DNAH8: variants seen among roughly 807,000 people sequenced by gnomAD.
DNAH8 encodes dynein axonemal heavy chain 8.
DNAH8 carries 382 observed loss-of-function variants against 562.1 expected under a neutral mutation model. The observed-to-expected ratio is 0.68, with a 90% confidence interval of 0.63 to 0.74. The LOEUF (loss-of-function observed/expected upper bound fraction) is 0.74. DNAH8 is among the 30% of genes least tolerant of loss of function. DNAH8 has a pLI of 0.00. For missense variants in DNAH8, 5,203 were observed against 5,620.4 expected, an observed-to-expected ratio of 0.93 and a Z score of 2.37; for synonymous variants, 1,881 against 1,919.4, an observed-to-expected ratio of 0.98 and a Z score of 0.52.
chr6:38,806,599 A>AAAT (rs1421701266), intron 23 of DNAH8, among the ~76,000 whole-genome samples: 2 of 152,040 alleles, frequency 1.3e-5, no homozygotes, highest in Admixed American at 1.3e-4. Context: ...GTCACCTCAT[A>AAAT]AATAGCCTCT....
intron 85 of DNAH8, among the ~76,000 whole-genome samples, chr6:38,975,210 T>TA (rs1398984693): frequency 6.6e-6 from 1 of 152,240 alleles, no homozygotes; most frequent in Non-Finnish European, 1.5e-5. Context: ...ACTTGTCTGT[T>TA]ACGATTTTTT....
chr6:38,815,615 GTGACCCA>G lies in DNAH8; in HGVS notation c.3483_3489del (p.Thr1162LysfsTer7), dbSNP rs766707325. On this transcript the variant is annotated frameshift_variant, in exon 26 of 93. Coordinates refer to ENST00000327475, the MANE Select transcript of DNAH8 (RefSeq NM_001206927.2). LOFTEE classifies it high-confidence loss of function. The stretch of plus-strand genomic sequence containing the variant: ...CATTCCCAGCCCCACCACTACTGAC[GTGACCCA>G]TCAAAACACAGGAAAACTGCTGAAG... 6.3e-5 allele frequency: 101 copies of G among 1,613,698 alleles called. No homozygotes were observed. The highest frequency in any genetic ancestry group is 8.5e-5 in the Non-Finnish European group (100 of 1,179,876).
intron 66 of DNAH8, 119 bp from the exon 67 acceptor site, chr6:38,913,730 C>A: frequency 3.4e-6 from 2 of 580,454 alleles, no homozygotes; most frequent in African/African-American, 1.8e-5. Flanking sequence ...CTTTTGTCTA[C>A]AATTTTGTGT....
intron 24 of DNAH8, among the ~76,000 whole-genome samples, chr6:38,811,705 T>C (rs967288465): frequency 2.0e-5 from 3 of 152,212 alleles, no homozygotes; most frequent in Non-Finnish European, 4.4e-5. Flanking sequence ...TTTCGTTAGC[T>C]CTCTTTCTTA....
chr6:38,715,335 AG>A lies in DNAH8; in HGVS notation c.-114del, dbSNP rs1456715025. 16 of 152,352 alleles carry A rather than the reference AG, an allele frequency of 1.1e-4. No homozygotes were observed. Among genetic ancestry groups the A allele is most frequent in the Admixed American group, 9.1e-4 (14 of 15,302 alleles). The allele number at this position is 152,352 out of a possible 1,614,324, so 9.4% of individuals were successfully genotyped here. A position where few individuals can be genotyped will look rare whatever the true frequency, so the allele number is the denominator to read the frequency against. ...CGTTCCGGGCCGCGGAGGCCGGAGC[AG>A]CTCCCCCGGGGCAGCGCAACCGCTG... On this transcript the variant is annotated 5_prime_UTR_variant, in exon 1 of 93. Coordinates refer to ENST00000327475, the MANE Select transcript of DNAH8 (RefSeq NM_001206927.2).
chr6:39,011,764 A>G (rs187698088), intron 89 of DNAH8, among the ~76,000 whole-genome samples: 17 of 152,350 alleles, frequency 1.1e-4, no homozygotes, highest in Admixed American at 8.5e-4. Flanking sequence ...ATAGCTAATC[A>G]TATTTGTTGG....
chr6:39,001,763 A>G (rs530417572), intron 88 of DNAH8, among the ~76,000 whole-genome samples: 1 of 152,306 alleles, frequency 6.6e-6, no homozygotes, highest in East Asian at 1.9e-4. Flanking sequence ...ACATTTAATA[A>G]TCACTTTTCA....
Position 38,909,572 on chromosome 6 carries a change from T to C in DNAH8, c.9568T>C (p.Cys3190Arg), listed in dbSNP as rs1468370619. The change falls in exon 65 of 93, where the codon TGC becomes CGC. Residue 3190 changes from cysteine (C) to arginine (R), a missense_variant. By Grantham distance (180) the Cys-to-Arg change is radical (BLOSUM62 -3). This residue lies in a region of DNAH8 where 977 missense variants were observed against 1,061.8 expected (regional missense o/e 0.92). Coordinates refer to ENST00000327475, the MANE Select transcript of DNAH8 (RefSeq NM_001206927.2). ...SLKFPGLISG[C>R]TMDWFSRWPR... ...GAAATTTCCTGGCTTGATATCAGGT[T>C]GCACTATGGACTGGTTCAGCCGCTG... 1 of 1,614,056 alleles carries C rather than the reference T, an allele frequency of 6.2e-7. No homozygotes were observed. The highest frequency in any genetic ancestry group is 8.5e-7 in the Non-Finnish European group (1 of 1,180,014).
rs1317402405 is a variant in DNAH8, at chr6:38,750,580, C to T, written c.1398C>T (p.Asn466=). 3 of 1,585,914 alleles carry T rather than the reference C, an allele frequency of 1.9e-6. No homozygotes were observed. The South Asian group carries it at 3.4e-5, about 18-fold the overall frequency. The change falls in exon 9 of 93, where the codon AAC becomes AAT. Residue 466 remains asparagine, a synonymous_variant. Transcript: ENST00000327475. ...AAAAAGTGTGTCAACCTCTCTATAA[C>T]CATGACCTAGTAAGTATGCTTTTAA... ...TLEKVCQPLY[N]HDLVSMAHGI...
Position 38,842,377 on chromosome 6 carries a change from C to G in DNAH8, c.4476C>G (p.Leu1492=). The change falls in exon 34 of 93, where the codon CTC becomes CTG. Residue 1492 remains leucine, a synonymous_variant. Coordinates refer to ENST00000327475, the MANE Select transcript of DNAH8 (RefSeq NM_001206927.2). ...TTACTTTGTTTCCCAGAAAAGAACTCAACTTGCTGCAGAAGCTGTATGGAT... is the reference window on the plus strand; with the variant it reads ...TTACTTTGTTTCCCAGAAAAGAACTGAACTTGCTGCAGAAGCTGTATGGAT... ...YEVLHKTRKE[L]NLLQKLYGLY... The G allele has an allele frequency of 6.3e-7, 1 of 1,598,598 alleles. No homozygotes were observed. The highest frequency in any genetic ancestry group is 8.5e-7 in the Non-Finnish European group (1 of 1,174,808).
intron 70 of DNAH8, among the ~76,000 whole-genome samples, 176 bp downstream of exon 70, chr6:38,918,316 A>T (rs1280002240): frequency 6.6e-6 from 1 of 152,158 alleles, no homozygotes; most frequent in Non-Finnish European, 1.5e-5. Flanking sequence ...TATATCTGTT[A>T]CATGTTTCTT....
At chr6:38,978,871 G>A (rs1434218862) in intron 85 of DNAH8, among the ~76,000 whole-genome samples, 1 of 152,212 alleles carries the variant, frequency 6.6e-6, no homozygotes, top group African/African-American at 2.4e-5. Context: ...AGAAGAAACT[G>A]TATTAATCAA....
At chr6:38,732,966 G>A (rs928168508) in intron 4 of DNAH8, among the ~76,000 whole-genome samples, 5 of 151,968 alleles carry the variant, frequency 3.3e-5, no homozygotes, top group African/African-American at 1.2e-4. Flanking sequence ...ATGGCTTATT[G>A]CACTCTTGAT....
At chr6:39,001,260 G>C (rs1415024200) in intron 88 of DNAH8, among the ~76,000 whole-genome samples, 1 of 151,878 alleles carries the variant, frequency 6.6e-6, no homozygotes, top group African/African-American at 2.4e-5. Context: ...TGCATGAGTT[G>C]ATGGGAATTA....
chr6:39,010,892 G>A lies in DNAH8; in HGVS notation c.13372-1323G>A, dbSNP rs1163960411. Among the ~76,000 whole-genome samples, 3 of 151,780 alleles carry A rather than the reference G, an allele frequency of 2.0e-5. No individual in the cohort carries two copies. The East Asian group carries it at 5.8e-4, about 29-fold the overall frequency. ...CATATACATATGCTGTTCAGCCACT[G>A]GAGGTTGAAGGACTTGGGATGGAGA... On this transcript the variant is annotated intron_variant, in intron 89 of 92. Transcript: ENST00000327475.
At chr6:38,934,605 G>A (rs1018401633) in intron 76 of DNAH8, among the ~76,000 whole-genome samples, 3 of 152,148 alleles carry the variant, frequency 2.0e-5, no homozygotes, top group African/African-American at 7.2e-5. Context: ...AAAATCAGAA[G>A]AAAAATGTTG....
At chr6:38,825,103 G>A (rs1274984449) in intron 28 of DNAH8, among the ~76,000 whole-genome samples, 1 of 152,158 alleles carries the variant, frequency 6.6e-6, no homozygotes, top group Non-Finnish European at 1.5e-5. Context: ...AATGGAAGAG[G>A]TGATGGTAGT....
chr6:38,795,177 C>T (rs1315830539), intron 21 of DNAH8, among the ~76,000 whole-genome samples: 1 of 152,134 alleles, frequency 6.6e-6, no homozygotes, highest in African/African-American at 2.4e-5. Flanking sequence ...GGTACATTCC[C>T]AATGTTGTAT....
Position 38,812,409 on chromosome 6 carries a change from G to C in DNAH8, c.3258-1645G>C, listed in dbSNP as rs116030357. On this transcript the variant is annotated intron_variant, in intron 24 of 92. Coordinates refer to ENST00000327475, the MANE Select transcript of DNAH8 (RefSeq NM_001206927.2). Reference sequence around the variant, plus strand: ...TCTGCGGCAATTTAGCAATTTTTGAGGAGGCATACATGAGGATAGTACTAA... The same window carrying C: ...TCTGCGGCAATTTAGCAATTTTTGACGAGGCATACATGAGGATAGTACTAA... Among the ~76,000 whole-genome samples the C allele has an allele frequency of 6.7e-3, 1,013 of 152,260 alleles. 3 individuals are homozygous for C. Among genetic ancestry groups the C allele is most frequent in the Non-Finnish European group, 9.5e-3 (643 of 68,010 alleles).
Sources: allele counts gnomAD v4.1 joint callset (sites outside exome capture counted in the v4.1 genomes callset), GRCh38; gene constraint gnomAD v4.1.1; regional missense constraint gnomAD v4.1.1; transcripts MANE v1.5; gene names NCBI Gene and HGNC (gene_info 2026-07-23, HGNC 2026-07-21).